CBLB: variants seen among roughly 807,000 people sequenced by gnomAD.
CBLB encodes Cbl proto-oncogene B.
CBLB carries 31 observed loss-of-function variants against 104.9 expected under a neutral mutation model. The observed-to-expected ratio is 0.30, with a 90% CI of 0.22 to 0.40. CBLB has a LOEUF of 0.40. CBLB is among the 10% of genes least tolerant of loss of function. The probability of loss-of-function intolerance (pLI) is 1.00; values close to 1 mark genes in which losing one functional copy is unlikely to be tolerated. For synonymous variants in CBLB, 440 were observed against 422.6 expected (o/e 1.04, Z -0.51); for missense variants, 1,062 against 1,214.6 (o/e 0.87, Z 1.87).
intron 10 of CBLB, among the ~76,000 whole-genome samples, chr3:105,710,864 G>T (rs985632188): frequency 6.6e-6 from 1 of 151,730 alleles, no homozygotes; most frequent in Non-Finnish European, 1.5e-5. Context: ...CTACCACGAG[G>T]AACAGAGAAA....
At chr3:105,819,706 T>C (rs1287542042) in intron 3 of CBLB, among the ~76,000 whole-genome samples, 1 of 152,216 alleles carries the variant, frequency 6.6e-6, no homozygotes, top group Non-Finnish European at 1.5e-5. Flanking sequence ...TTCCTTTCAG[T>C]TGGACTCACT....
intron 4 of CBLB, among the ~76,000 whole-genome samples, chr3:105,753,622 G>A (rs890504144): frequency 6.6e-6 from 1 of 152,130 alleles, no homozygotes; most frequent in African/African-American, 2.4e-5. Context: ...TTTATTTTTC[G>A]TATGAAGAAG....
At chr3:105,780,653 G>GTTTTTTTTTTTTT (rs1245925965) in intron 3 of CBLB, among the ~76,000 whole-genome samples, 18 of 84,676 alleles carry the variant, frequency 2.1e-4, no homozygotes, top group Middle Eastern at 8.9e-3. Flanking sequence ...TAAAAGTTTT[G>GTTTTTTTTTTTTT]TTTTTTGTTT....
intron 3 of CBLB, among the ~76,000 whole-genome samples, chr3:105,828,794 G>C (rs935839092): frequency 1.3e-5 from 2 of 152,102 alleles, no homozygotes; most frequent in South Asian, 2.1e-4. Flanking sequence ...CAACCTACTC[G>C]ATTTTAACAA....
At chr3:105,722,198 C>CAAAAAAAAAAAAAAAAAAAAAAA (rs5851468) in intron 9 of CBLB, among the ~76,000 whole-genome samples, 3 of 84,400 alleles carry the variant, frequency 3.6e-5, no homozygotes, top group African/African-American at 4.7e-5. Context: ...GACCCCGTGC[C>CAAAAAAAAAAAAAAAAAAAAAAA]AAAAAAAAAA....
At chr3:105,793,769 C>G (rs2081957839) in intron 3 of CBLB, among the ~76,000 whole-genome samples, 1 of 152,166 alleles carries the variant, frequency 6.6e-6, no homozygotes, top group South Asian at 2.1e-4. Context: ...CGAGGTGTAG[C>G]TGTTCCACTT....
intron 4 of CBLB, among the ~76,000 whole-genome samples, chr3:105,770,367 G>A (rs578255094): frequency 1.3e-5 from 2 of 152,294 alleles, no homozygotes; most frequent in Admixed American, 6.5e-5. Flanking sequence ...GGCCACTGGA[G>A]AAGCCCTTCA....
intron 1 of CBLB, 188 bp downstream of exon 1, chr3:105,868,548 G>A: frequency 3.0e-6 from 1 of 333,572 alleles, no homozygotes; most frequent in South Asian, 1.4e-4. Flanking sequence ...CTGCCTGGAC[G>A]CCCTCTCCCT....
intron 3 of CBLB, among the ~76,000 whole-genome samples, chr3:105,838,885 G>A (rs891004003): frequency 6.6e-6 from 1 of 151,486 alleles, no homozygotes; most frequent in African/African-American, 2.4e-5. Flanking sequence ...CAAAGTGCTG[G>A]GATTACAGGC....
intron 9 of CBLB, among the ~76,000 whole-genome samples, chr3:105,732,292 G>C (rs1431624420): frequency 1.3e-5 from 2 of 152,120 alleles, no homozygotes; most frequent in Non-Finnish European, 2.9e-5. Flanking sequence ...TTTATTGAAT[G>C]TAGTTTAAAA....
chr3:105,818,311 T>C (rs976784440), intron 3 of CBLB, among the ~76,000 whole-genome samples: 1 of 152,168 alleles, frequency 6.6e-6, no homozygotes, highest in African/African-American at 2.4e-5. Flanking sequence ...TTGACATTTA[T>C]GGAGATTATA....
chr3:105,815,482 C>T (rs2084918090), intron 3 of CBLB, among the ~76,000 whole-genome samples: 1 of 152,074 alleles, frequency 6.6e-6, no homozygotes, highest in African/African-American at 2.4e-5. Flanking sequence ...AAATGCAAAT[C>T]AAAACCACAA....
At chr3:105,829,495 C>T (rs2087095986) in intron 3 of CBLB, among the ~76,000 whole-genome samples, 1 of 151,546 alleles carries the variant, frequency 6.6e-6, no homozygotes, top group South Asian at 2.1e-4. Context: ...CCTGTCTCTA[C>T]AAAAAATTTA....
chr3:105,674,928 C>G (rs575385335), intron 17 of CBLB, among the ~76,000 whole-genome samples: 53 of 152,242 alleles, frequency 3.5e-4, no homozygotes, highest in Admixed American at 1.3e-3. Context: ...CCCCCTTGAT[C>G]CTACAACAGT....
chr3:105,847,678 C>G (rs542034059), intron 3 of CBLB, among the ~76,000 whole-genome samples: 1 of 151,942 alleles, frequency 6.6e-6, no homozygotes, highest in African/African-American at 2.4e-5. Flanking sequence ...CCCTGGCTCA[C>G]TCAAGCAGTT....
intron 4 of CBLB, among the ~76,000 whole-genome samples, chr3:105,772,538 C>T (rs963430381): frequency 1.3e-5 from 2 of 152,028 alleles, no homozygotes; most frequent in Non-Finnish European, 2.9e-5. Flanking sequence ...AATTAAAAAG[C>T]TTCTGCACAG....
intron 4 of CBLB, among the ~76,000 whole-genome samples, chr3:105,766,126 A>C (rs1222913527): frequency 6.6e-6 from 1 of 152,218 alleles, no homozygotes; most frequent in Admixed American, 6.5e-5. Flanking sequence ...GGAAGAAGTA[A>C]CTGTAGATGT....
chr3:105,679,335 TTA>T (rs535237687), intron 16 of CBLB, among the ~76,000 whole-genome samples: 13,497 of 74,770 alleles, frequency 0.18, 627 homozygotes, highest in Admixed American at 0.19. Flanking sequence ...CCTTGAGTCT[TTA>T]AAAAAAAAAA....
At chr3:105,804,543 T>C (rs1412401289) in intron 3 of CBLB, among the ~76,000 whole-genome samples, 2 of 151,648 alleles carry the variant, frequency 1.3e-5, no homozygotes, top group African/African-American at 4.9e-5. Context: ...ATGTAAAATA[T>C]CTCATTAAGA....
Sources: gnomAD v4.1 joint callset for allele counts (sites outside exome capture counted in the v4.1 genomes callset) on GRCh38, gnomAD v4.1.1 for gene constraint, MANE v1.5 for transcripts, NCBI Gene and HGNC (gene_info 2026-07-23, HGNC 2026-07-21) for gene names.